The following SERPINI1 variants were observed in gnomAD, a reference collection of about 807,000 sequenced individuals.
SERPINI1 encodes serpin family I member 1.
SERPINI1 carries 19 observed loss-of-function variants against 41.1 expected under a neutral mutation model. That is an observed-to-expected ratio of 0.46 (90% CI 0.32 to 0.68). The LOEUF (loss-of-function observed/expected upper bound fraction) is 0.68. Ranked by LOEUF, SERPINI1 falls within the 30% of genes least tolerant of loss-of-function variation. The pLI is 0.03. For synonymous variants in SERPINI1, 138 were observed against 156.6 expected, an observed-to-expected ratio of 0.88 and a Z score of 0.89; for missense variants, 460 against 479.2, an observed-to-expected ratio of 0.96 and a Z score of 0.37.
At chr3:167,773,501 A>G (rs537169831) in intron 1 of SERPINI1, among the ~76,000 whole-genome samples, 5 of 152,282 alleles carry the variant, frequency 3.3e-5, no homozygotes, top group African/African-American at 1.2e-4. Flanking sequence ...AGCTGTTACT[A>G]TATTATAAAT....
chr3:167,744,641 T>C (rs1331708212), intron 1 of SERPINI1, among the ~76,000 whole-genome samples: 1 of 128,998 alleles, frequency 7.8e-6, no homozygotes, highest in African/African-American at 3.2e-5. Context: ...TTTATATTTA[T>C]ATATAAATAT....
chr3:167,810,856 G>A (rs1459387778), intron 6 of SERPINI1, among the ~76,000 whole-genome samples: 1 of 152,160 alleles, frequency 6.6e-6, no homozygotes, highest in Non-Finnish European at 1.5e-5. Context: ...CTAAGTTTCT[G>A]TCATAGTTTA....
chr3:167,759,400 G>GTGTATATATATATATATA (rs964402772), intron 1 of SERPINI1, among the ~76,000 whole-genome samples: 15 of 121,152 alleles, frequency 1.2e-4, no homozygotes, highest in African/African-American at 4.3e-4. Flanking sequence ...AGAAAATGTG[G>GTGTATATATATATATATA]TATATATATA....
rs1727426560 is a variant in SERPINI1 at position 167,789,489 on chromosome 3, T to G, written c.250+111T>G. ...TATTTACACAGGGTAAAAAACAATC[T>G]CATTGAAATGGTATGGCTAGAAGGA... On this transcript the variant is annotated intron_variant, in intron 2 of 8. Transcript: ENST00000446050. 3.1e-6 allele frequency: 4 copies of G among 1,284,038 alleles called. No individual in the cohort carries two copies. In the East Asian group the frequency reaches 9.5e-5, roughly 31 times the overall value. 79.5% of individuals were successfully genotyped at this position (1,284,038 alleles called of 1,614,324 possible). A position where few individuals can be genotyped will look rare whatever the true frequency, so the allele number is the denominator to read the frequency against.
At position 167,792,643 on chromosome 3, in the gene SERPINI1, G is replaced by A; in HGVS notation, c.535G>A (p.Ala179Thr). ...GGATTTTGATGCTGCCACTTATCTG[G>A]CCCTCATTAATGCTGTCTATTTCAA... ...PRDFDAATYL[A>T]LINAVYFKGN... The change falls in exon 4 of 9, where the codon GCC becomes ACC. Residue 179 changes from alanine (A) to threonine (T), a missense_variant. By Grantham distance (58) the Ala-to-Thr change is moderately conservative. Transcript: ENST00000446050. 6.2e-7 allele frequency: 1 copy of A among 1,613,618 alleles called. No homozygotes were observed. The highest frequency in any genetic ancestry group is 8.5e-7 in the Non-Finnish European group (1 of 1,179,854).
At chr3:167,780,005 T>G (rs565835928) in intron 1 of SERPINI1, among the ~76,000 whole-genome samples, 2 of 152,172 alleles carry the variant, frequency 1.3e-5, no homozygotes, top group East Asian at 3.8e-4. Flanking sequence ...TTCTGGCCCA[T>G]TGGCTTTAAG....
chr3:167,814,502 A>G (rs766021121), intron 6 of SERPINI1, among the ~76,000 whole-genome samples: 11 of 152,030 alleles, frequency 7.2e-5, no homozygotes, highest in Non-Finnish European at 1.6e-4. Context: ...CTGTTATAAT[A>G]CTCTCGTCAT....
Position 167,792,607 on chromosome 3 carries a change from G to C in SERPINI1, c.499G>C (p.Val167Leu), listed in dbSNP as rs771822255. Residue 167 changes from valine to leucine, a missense_variant, in exon 4 of 9, where the codon GTA (valine) becomes CTA (leucine). Transcript: ENST00000446050. ...CTAAATAGATCTGGTGAAAGATTTGGTATCCCCAAGGGATTTTGATGCTGC... is the reference window on the plus strand; with the variant it reads ...CTAAATAGATCTGGTGAAAGATTTGCTATCCCCAAGGGATTTTGATGCTGC... ...NNTNNLVKDLVSPRDFDAATY... is the reference protein window; with the variant it reads ...NNTNNLVKDLLSPRDFDAATY... 6.2e-7 allele frequency: 1 copy of C among 1,613,286 alleles called. No homozygotes were observed. The highest frequency in any genetic ancestry group is 1.7e-5 in the Admixed American group (1 of 59,854).
At chr3:167,741,913 G>A (rs908172034) in intron 1 of SERPINI1, among the ~76,000 whole-genome samples, 4 of 150,438 alleles carry the variant, frequency 2.7e-5, no homozygotes, top group East Asian at 1.9e-4. Context: ...GGTAAATTAC[G>A]AAACTTTTAA....
chr3:167,744,836 A>G (rs1011745570), intron 1 of SERPINI1, among the ~76,000 whole-genome samples: 19 of 119,134 alleles, frequency 1.6e-4, no homozygotes, highest in Non-Finnish European at 3.0e-4. Context: ...TAATATATAT[A>G]TTATATATAA....
At chr3:167,774,639 G>A (rs1340916633) in intron 1 of SERPINI1, among the ~76,000 whole-genome samples, 1 of 152,160 alleles carries the variant, frequency 6.6e-6, no homozygotes, top group Non-Finnish European at 1.5e-5. Context: ...CAGACCAGCA[G>A]CAGCATTAGA....
intron 6 of SERPINI1, among the ~76,000 whole-genome samples, chr3:167,817,853 C>A (rs1189825416): frequency 1.3e-5 from 2 of 152,042 alleles, no homozygotes; most frequent in Non-Finnish European, 2.9e-5. Context: ...CCCACCTCGG[C>A]CTCCCAAAGT....
At chr3:167,763,529 A>T (rs1388051127) in intron 1 of SERPINI1, among the ~76,000 whole-genome samples, 1 of 152,138 alleles carries the variant, frequency 6.6e-6, no homozygotes, top group East Asian at 1.9e-4. Context: ...ACAGGTGTGC[A>T]CCACCACGCC....
chr3:167,820,182 G>A (rs1324362149), intron 6 of SERPINI1, among the ~76,000 whole-genome samples: 2 of 151,034 alleles, frequency 1.3e-5, no homozygotes, highest in South Asian at 2.1e-4. Flanking sequence ...CTATCTTCAC[G>A]TGGTATATTA....
chr3:167,760,299 A>G (rs1485508501), intron 1 of SERPINI1, among the ~76,000 whole-genome samples: 3 of 151,808 alleles, frequency 2.0e-5, no homozygotes, highest in African/African-American at 7.3e-5. Context: ...CATAGTTGCA[A>G]TGGTTCTGGT....
At chr3:167,824,400 G>T in intron 7 of SERPINI1, 73 bp from the exon 8 acceptor site, 1 of 1,139,674 alleles carries the variant, frequency 8.8e-7, no homozygotes. Context: ...GATAGGCATA[G>T]ATGGTTTTGA....
intron 1 of SERPINI1, among the ~76,000 whole-genome samples, chr3:167,742,063 C>T (rs901405750): frequency 6.6e-6 from 1 of 151,358 alleles, no homozygotes; most frequent in African/African-American, 2.4e-5. Context: ...AAGAAAAAGC[C>T]TTAAAATTTA....
intron 1 of SERPINI1, among the ~76,000 whole-genome samples, chr3:167,785,885 G>C (rs552619411): frequency 6.6e-6 from 1 of 152,302 alleles, no homozygotes; most frequent in African/African-American, 2.4e-5. Flanking sequence ...GTATCATACA[G>C]TAAATTTAAT....
intron 6 of SERPINI1, among the ~76,000 whole-genome samples, chr3:167,818,555 A>C (rs1712205024): frequency 6.6e-6 from 1 of 151,560 alleles, no homozygotes; most frequent in Non-Finnish European, 1.5e-5. Context: ...TATTTGGACA[A>C]TCTCTTCTTT....
Sources: gnomAD v4.1 joint callset for allele counts (sites outside exome capture counted in the v4.1 genomes callset) on GRCh38, gnomAD v4.1.1 for gene constraint, MANE v1.5 for transcripts, NCBI Gene and HGNC (gene_info 2026-07-23, HGNC 2026-07-21) for gene names.